The following F13B variants were observed in gnomAD, a reference collection of about 807,000 sequenced individuals.
F13B encodes coagulation factor XIII B chain.
A neutral mutation model predicts 79.8 loss-of-function variants in F13B; 58 were observed. That is an observed-to-expected ratio of 0.73 (90% CI 0.59 to 0.90). The LOEUF is 0.90. F13B is among the 40% of genes least tolerant of loss of function. The pLI is 0.00. For synonymous variants in F13B, 283 were observed against 260.3 expected, an observed-to-expected ratio of 1.09 and a Z score of -0.84; for missense variants, 773 against 777.0, an observed-to-expected ratio of 0.99 and a Z score of 0.06.
At position 197,067,148 on chromosome 1, in the gene F13B, A is replaced by T. The variant is rs767085182; in HGVS notation, c.64+12T>A. ...GTTTTAGAGAATAAAGAATATTAAG[A>T]ATTAATTTTACCTTCTGCATAGAGT... On this transcript the variant is annotated intron_variant, in intron 1 of 11. Transcript: ENST00000367412. 1.3e-6 allele frequency: 2 copies of T among 1,507,104 alleles called. No individual in the cohort carries two copies. The highest frequency in any genetic ancestry group is 3.4e-5 in the Admixed American group (2 of 59,676). The allele number at this position is 1,507,104 out of a possible 1,614,324, so 93.4% of individuals were successfully genotyped here.
At chr1:197,058,090 C>G (rs1412633) in intron 5 of F13B, among the ~76,000 whole-genome samples, 121,361 of 152,202 alleles carry the variant, frequency 0.8, 51,044 homozygotes, top group East Asian at 1. Context: ...GTTGTTTTAA[C>G]CTGCTGAGTT....
Position 197,050,874 on chromosome 1 carries a change from T to C in F13B, c.1561A>G (p.Lys521Glu). Residue 521 changes from lysine to glutamate, a missense_variant, in exon 10 of 12, where the codon AAA becomes GAA. By Grantham distance (56) the Lys-to-Glu change is moderately conservative. Transcript: ENST00000367412. ...KYPLCTRKES[K>E]GMCTSPPLIK... ...AGAGGAGGAGATGTGCACATTCCTT[T>C]AGATTCTGCAAAAATAAGTTTTAAA... is the stretch of plus-strand genomic sequence containing the variant. 1 of 1,612,410 alleles carries C rather than the reference T, an allele frequency of 6.2e-7. No individual in the cohort carries two copies. The highest frequency in any genetic ancestry group is 8.5e-7 in the Non-Finnish European group (1 of 1,178,912).
intron 10 of F13B, among the ~76,000 whole-genome samples, chr1:197,041,853 TAGAC>T (rs1457606265): frequency 1.3e-5 from 2 of 152,188 alleles, no homozygotes; most frequent in Admixed American, 1.3e-4. Context: ...CACACTTTCA[TAGAC>T]AGAAGACTCA....
At chr1:197,062,825 G>A in intron 2 of F13B, 32 bp downstream of exon 2, 1 of 1,606,022 alleles carries the variant, frequency 6.2e-7, no homozygotes, top group Non-Finnish European at 8.5e-7. Flanking sequence ...TTTGAGTATT[G>A]AAACATTGAG....
intron 4 of F13B, 107 bp downstream of exon 4, chr1:197,060,792 A>C: frequency 9.2e-7 from 1 of 1,089,232 alleles, no homozygotes; most frequent in Non-Finnish European, 1.4e-6. Flanking sequence ...ATAAAGGCAA[A>C]AATGCATGAA....
chr1:197,041,056 G>A (rs755784757), intron 10 of F13B, among the ~76,000 whole-genome samples: 3 of 151,896 alleles, frequency 2.0e-5, no homozygotes, highest in Non-Finnish European at 2.9e-5. Flanking sequence ...GGTATTTGGG[G>A]GGAAGCATTG....
At chr1:197,043,815 A>T (rs1655127361) in intron 10 of F13B, among the ~76,000 whole-genome samples, 1 of 152,082 alleles carries the variant, frequency 6.6e-6, no homozygotes, top group Non-Finnish European at 1.5e-5. Flanking sequence ...TAGCAAAAAG[A>T]TGTAATATAT....
intron 6 of F13B, 37 bp downstream of exon 6, chr1:197,057,249 T>C (rs776091705): frequency 1.2e-5 from 19 of 1,613,836 alleles, no homozygotes; most frequent in Non-Finnish European, 1.4e-5. Context: ...CACATGCAGA[T>C]TTCATTTTAG....
chr1:197,063,912 G>T (rs1233100376), intron 1 of F13B, among the ~76,000 whole-genome samples: 1 of 152,016 alleles, frequency 6.6e-6, no homozygotes, highest in Non-Finnish European at 1.5e-5. Context: ...TTCAGGAATA[G>T]GTAAAGTTTC....
intron 8 of F13B, among the ~76,000 whole-genome samples, chr1:197,053,956 G>C (rs539307888): frequency 6.6e-6 from 1 of 152,164 alleles, no homozygotes; most frequent in Non-Finnish European, 1.5e-5. Context: ...ATTAGAGCAG[G>C]GAAGAGAGTA....
chr1:197,038,817 C>T lies in F13B; in HGVS notation c.*561G>A, dbSNP rs1164205647. ...CATGTTCAAATATGGTAGTACACCA[C>T]CTCATAAACAATTTGGTTATTAACG... On this transcript the variant is annotated 3_prime_UTR_variant, in exon 12 of 12. Transcript: ENST00000367412. Among the ~76,000 whole-genome samples the T allele has an allele frequency of 1.3e-5, 2 of 151,972 alleles. No homozygotes were observed. Among genetic ancestry groups the T allele is most frequent in the East Asian group, 3.8e-4 (2 of 5,204 alleles).
At chr1:197,045,476 T>G (rs1276238373) in intron 10 of F13B, among the ~76,000 whole-genome samples, 1 of 152,154 alleles carries the variant, frequency 6.6e-6, no homozygotes, top group Non-Finnish European at 1.5e-5. Flanking sequence ...GTTGAATGTC[T>G]GAATAGACCA....
chr1:197,055,854 C>A lies in F13B; in HGVS notation c.1215G>T (p.Gly405=), dbSNP rs1410765086. Reference sequence around the variant, plus strand: ...TTGCCAATATCCCGTCTGCAACAGCCCCATTCATTACAACAGGAGGATGCT... The same window carrying A: ...TTGCCAATATCCCGTCTGCAACAGCACCATTCATTACAACAGGAGGATGCT... ...NCKHPPVVMN[G]AVADGILASY... Residue 405 remains glycine (G), a synonymous_variant, in exon 8 of 12, where the codon GGG becomes GGT. Coordinates refer to ENST00000367412, the MANE Select transcript of F13B (RefSeq NM_001994.3). 1.2e-6 allele frequency: 2 copies of A among 1,613,284 alleles called. No homozygotes were observed. Among genetic ancestry groups the A allele is most frequent in the Non-Finnish European group, 1.7e-6 (2 of 1,179,690 alleles).
At chr1:197,063,899 C>A (rs1259571591) in intron 1 of F13B, among the ~76,000 whole-genome samples, 1 of 152,000 alleles carries the variant, frequency 6.6e-6, no homozygotes, top group Non-Finnish European at 1.5e-5. Context: ...TTGGACAGTA[C>A]AGTTCAGGAA....
chr1:197,044,042 C>CAT (rs17549797), intron 10 of F13B, among the ~76,000 whole-genome samples: 2,162 of 150,026 alleles, frequency 0.014, 48 homozygotes, highest in African/African-American at 0.049. Flanking sequence ...GGAACTAACT[C>CAT]ATATATATAT....
chr1:197,057,239 C>A, intron 6 of F13B, 41 bp from the exon 7 acceptor site: 1 of 1,613,854 alleles, frequency 6.2e-7, no homozygotes, highest in Admixed American at 1.7e-5. Context: ...CATTTAGCTA[C>A]ACATGCAGAT....
At chr1:197,053,626 G>GACTA (rs1237771039) in intron 8 of F13B, among the ~76,000 whole-genome samples, 4 of 152,006 alleles carry the variant, frequency 2.6e-5, no homozygotes, top group African/African-American at 9.7e-5. Flanking sequence ...CATGAGAACA[G>GACTA]ACTAACACAG....
At chr1:197,066,611 A>G (rs1656060202) in intron 1 of F13B, among the ~76,000 whole-genome samples, 1 of 152,120 alleles carries the variant, frequency 6.6e-6, no homozygotes, top group African/African-American at 2.4e-5. Context: ...TTACTCTCTA[A>G]GTGTCCCTGT....
Position 197,052,823 on chromosome 1 carries a change from C to T in F13B, c.1366G>A (p.Val456Ile), listed in dbSNP as rs1655497056. The T allele has an allele frequency of 1.2e-6, 2 of 1,608,374 alleles. No homozygotes were observed. Among genetic ancestry groups the T allele is most frequent in the East Asian group, 4.5e-5 (2 of 44,684 alleles). ...TTTCTGTTCATGTAATCCACATTAA[C>T]AGTACATGGTTCTGTAAAACAAAAT... ...SPPVCLEPCT[V>I]NVDYMNRNNI... Residue 456 changes from valine (V) to isoleucine (I), a missense_variant, in exon 9 of 12, where the codon GTT becomes ATT. Coordinates refer to ENST00000367412, the MANE Select transcript of F13B (RefSeq NM_001994.3).
Sources: allele counts gnomAD v4.1 joint callset (sites outside exome capture counted in the v4.1 genomes callset), GRCh38; gene constraint gnomAD v4.1.1; transcripts MANE v1.5; gene names NCBI Gene and HGNC (gene_info 2026-07-23, HGNC 2026-07-21).